KCNQ3: variants seen among roughly 807,000 people sequenced by gnomAD.
The protein encoded by KCNQ3 is potassium voltage-gated channel subfamily Q member 3, also known as potassium voltage-gated channel subfamily KQT member 3.
KCNQ3 carries 30 observed loss-of-function variants against 92.5 expected under a neutral mutation model. The ratio of observed to expected loss-of-function variants is 0.32; its 90% CI spans 0.24 to 0.44. The LOEUF is 0.44. Ranked by LOEUF, KCNQ3 falls within the 20% of genes least tolerant of loss-of-function variation. The probability of loss-of-function intolerance (pLI) is 1.00; values close to 1 mark genes in which losing one functional copy is unlikely to be tolerated. For missense variants in KCNQ3, 913 were observed against 1,140.3 expected (o/e 0.80, Z 2.87); for synonymous variants, 450 against 468.8 (o/e 0.96, Z 0.52).
intron 1 of KCNQ3, among the ~76,000 whole-genome samples, chr8:132,403,494 G>A (rs577556319): frequency 6.6e-6 from 1 of 152,322 alleles, no homozygotes; most frequent in African/African-American, 2.4e-5. Context: ...AGCAATTGGG[G>A]TGTTAAGCAG....
At chr8:132,401,340 A>G (rs1158285403) in intron 1 of KCNQ3, among the ~76,000 whole-genome samples, 1 of 152,020 alleles carries the variant, frequency 6.6e-6, no homozygotes, top group Non-Finnish European at 1.5e-5. Context: ...ATCCCCATGA[A>G]TACGGATCCT....
intron 1 of KCNQ3, among the ~76,000 whole-genome samples, chr8:132,422,186 C>T (rs906108264): frequency 6.6e-6 from 1 of 152,144 alleles, no homozygotes; most frequent in Non-Finnish European, 1.5e-5. Flanking sequence ...GAAATGACAC[C>T]ACCATCTAAT....
intron 1 of KCNQ3, among the ~76,000 whole-genome samples, chr8:132,308,128 C>T (rs544872166): frequency 3.0e-4 from 46 of 152,238 alleles, no homozygotes; most frequent in Middle Eastern, 6.8e-3. Flanking sequence ...TCCTATCTCA[C>T]GGGGCTCACG....
chr8:132,469,693 A>G (rs1822254729), intron 1 of KCNQ3, among the ~76,000 whole-genome samples: 1 of 152,082 alleles, frequency 6.6e-6, no homozygotes, highest in Admixed American at 6.5e-5. Context: ...ACCAAAGAGA[A>G]AAAAGGAGCA....
At chr8:132,187,426 G>A (rs1827005626) in intron 1 of KCNQ3, among the ~76,000 whole-genome samples, 1 of 152,180 alleles carries the variant, frequency 6.6e-6, no homozygotes, top group Non-Finnish European at 1.5e-5. Flanking sequence ...CTGACCCTTA[G>A]TGATCCTGAT....
rs1563755875 is a variant in KCNQ3 at position 132,122,664 on chromosome 8, T to C, written c.*6598A>G. On this transcript the variant is annotated 3_prime_UTR_variant, in exon 15 of 15. Transcript: ENST00000388996. Reference sequence around the variant, plus strand: ...ATTACTGGGCCAACTATTGTTGTTCTAGAACTTGACCATCCTTCTTTCTGA... The same window carrying C: ...ATTACTGGGCCAACTATTGTTGTTCCAGAACTTGACCATCCTTCTTTCTGA... 1.3e-5 allele frequency: 2 copies of C among 152,210 alleles called. No homozygotes were observed. Among genetic ancestry groups the C allele is most frequent in the Non-Finnish European group, 2.9e-5 (2 of 68,050 alleles). 9.4% of individuals were successfully genotyped at this position (152,210 alleles called of 1,614,324 possible). A position where few individuals can be genotyped will look rare whatever the true frequency, so the allele number is the denominator to read the frequency against.
At chr8:132,156,454 A>ATTT (rs1448613513) in intron 9 of KCNQ3, among the ~76,000 whole-genome samples, 1 of 152,066 alleles carries the variant, frequency 6.6e-6, no homozygotes. Context: ...CTACCTAGTT[A>ATTT]TTTTTATTCC....
chr8:132,387,386 A>G (rs1819915770), intron 1 of KCNQ3, among the ~76,000 whole-genome samples: 1 of 152,218 alleles, frequency 6.6e-6, no homozygotes, highest in African/African-American at 2.4e-5. Flanking sequence ...AATCAGTAGC[A>G]TAGAAAGATA....
chr8:132,297,314 G>T (rs937610165), intron 1 of KCNQ3, among the ~76,000 whole-genome samples: 5 of 151,974 alleles, frequency 3.3e-5, no homozygotes, highest in African/African-American at 1.2e-4. Context: ...TGAGTAGGTT[G>T]CGAAAATTTT....
At chr8:132,381,083 A>G (rs923659821) in intron 1 of KCNQ3, among the ~76,000 whole-genome samples, 2 of 152,204 alleles carry the variant, frequency 1.3e-5, no homozygotes, top group Non-Finnish European at 2.9e-5. Context: ...GTAATTACTG[A>G]GTGCCACTAT....
chr8:132,417,708 C>CA (rs1563903747), intron 1 of KCNQ3, among the ~76,000 whole-genome samples: 4 of 152,080 alleles, frequency 2.6e-5, no homozygotes, highest in African/African-American at 9.7e-5. Context: ...TCATTCATTC[C>CA]AGGCATGGCA....
intron 1 of KCNQ3, among the ~76,000 whole-genome samples, chr8:132,354,858 C>T (rs575453266): frequency 6.6e-6 from 1 of 152,282 alleles, no homozygotes; most frequent in South Asian, 2.1e-4. Context: ...CCCTGGTAGC[C>T]TCTGCTCTTT....
chr8:132,262,496 A>T (rs1815820398), intron 1 of KCNQ3, among the ~76,000 whole-genome samples: 1 of 152,242 alleles, frequency 6.6e-6, no homozygotes, highest in South Asian at 2.1e-4. Context: ...GGCTTTAATA[A>T]GCAAGAAACC....
intron 4 of KCNQ3, among the ~76,000 whole-genome samples, chr8:132,179,647 A>T (rs1281525575): frequency 1.3e-5 from 2 of 152,180 alleles, no homozygotes; most frequent in Admixed American, 6.5e-5. Context: ...TTTCATCTTC[A>T]TCTAACCCTA....
chr8:132,338,079 T>C (rs1020740), intron 1 of KCNQ3, among the ~76,000 whole-genome samples: 91,109 of 152,110 alleles, frequency 0.6, 29,984 homozygotes, highest in Non-Finnish European at 0.74. Context: ...ATGGCTTCTA[T>C]AATTTCCTTT....
intron 1 of KCNQ3, among the ~76,000 whole-genome samples, chr8:132,278,712 G>T (rs890181130): frequency 6.6e-6 from 1 of 152,174 alleles, no homozygotes; most frequent in Non-Finnish European, 1.5e-5. Flanking sequence ...TCCTGGGCTA[G>T]GAATGAGAAT....
In KCNQ3 at chr8:132,466,289, A is replaced by G. The variant is rs1030534647; in HGVS notation, c.386+13858T>C. Among the ~76,000 whole-genome samples, 31 of 152,060 alleles carry G rather than the reference A, an allele frequency of 2.0e-4. 1 individual carries two copies. The highest frequency in any genetic ancestry group is 2.1e-4 in the South Asian group (1 of 4,796). On this transcript the variant is annotated intron_variant, in intron 1 of 14. Coordinates refer to ENST00000388996, the MANE Select transcript of KCNQ3 (RefSeq NM_004519.4). ...GCTTCAAGACTTCCTTTACTTAAGA[A>G]TCACCGAGAAAACAGAGCCACATAT... is the stretch of plus-strand genomic sequence containing the variant.
chr8:132,289,090 T>C (rs1033852631), intron 1 of KCNQ3, among the ~76,000 whole-genome samples: 1 of 152,158 alleles, frequency 6.6e-6, no homozygotes, highest in Non-Finnish European at 1.5e-5. Flanking sequence ...AGACATTGAA[T>C]ATAAGAGGTA....
intron 1 of KCNQ3, among the ~76,000 whole-genome samples, chr8:132,213,022 G>A (rs753864515): frequency 5.6e-4 from 85 of 152,182 alleles, no homozygotes; most frequent in Non-Finnish European, 1.1e-3. Context: ...TGACACTGTT[G>A]ACTTTTCAAA....
Sources: gnomAD v4.1 joint callset for allele counts (sites outside exome capture counted in the v4.1 genomes callset) on GRCh38, gnomAD v4.1.1 for gene constraint, MANE v1.5 for transcripts, NCBI Gene and HGNC (gene_info 2026-07-23, HGNC 2026-07-21) for gene names.